Variants in AUH observed in about 807,000 individuals in gnomAD.
AUH encodes AU RNA binding methylglutaconyl-CoA hydratase, also known as methylglutaconyl-CoA hydratase, mitochondrial.
Under a neutral mutation model 42.3 loss-of-function variants are expected in AUH, and 29 were observed. The observed-to-expected ratio is 0.69, with a 90% CI of 0.51 to 0.93. The LOEUF is 0.93. Among genes scored for constraint, AUH ranks in the 40% least tolerant of loss-of-function variants. AUH has a pLI of 0.00. For missense variants in AUH, 452 were observed against 438.1 expected (o/e 1.03, Z -0.28); for synonymous variants, 174 against 166.4 (o/e 1.05, Z -0.35).
chr9:91,357,452 T>C (rs1350157448), intron 1 of AUH: 4 of 945,216 alleles, frequency 4.2e-6, no homozygotes, highest in Non-Finnish European at 5.0e-6. Flanking sequence ...AGACTAGATG[T>C]GTCCATTCAT....
intron 1 of AUH, chr9:91,360,576 A>AC (rs2132116739): frequency 6.6e-6 from 1 of 152,280 alleles, no homozygotes; most frequent in South Asian, 2.1e-4. Flanking sequence ...TTCCTGTTTT[A>AC]CACGTGAGAT....
intron 3 of AUH, among the ~76,000 whole-genome samples, chr9:91,354,618 A>G (rs557867358): frequency 4.7e-4 from 72 of 152,370 alleles, no homozygotes; most frequent in Admixed American, 2.8e-3. Flanking sequence ...ACTATAGTGC[A>G]ATAATTATAA....
chr9:91,257,920 T>C (rs142565517), intron 6 of AUH, among the ~76,000 whole-genome samples: 27 of 152,346 alleles, frequency 1.8e-4, no homozygotes, highest in South Asian at 6.2e-4. Flanking sequence ...TAAGTCTTCT[T>C]TCATTTTTGC....
At chr9:91,337,914 T>A (rs1341235447) in intron 3 of AUH, among the ~76,000 whole-genome samples, 1 of 152,194 alleles carries the variant, frequency 6.6e-6, no homozygotes, top group Non-Finnish European at 1.5e-5. Context: ...TTAAGGAGCA[T>A]GACCTTCTTG....
At chr9:91,345,629 C>G (rs529625499) in intron 3 of AUH, among the ~76,000 whole-genome samples, 1 of 151,748 alleles carries the variant, frequency 6.6e-6, no homozygotes, top group East Asian at 1.9e-4. Flanking sequence ...ATCAGGAGAT[C>G]GAGACCATCC....
chr9:91,267,758 A>G (rs1167323465), intron 6 of AUH, among the ~76,000 whole-genome samples: 1 of 152,130 alleles, frequency 6.6e-6, no homozygotes, highest in Non-Finnish European at 1.5e-5. Context: ...TGAGTACTCC[A>G]GGCAGGCAGG....
At chr9:91,325,493 A>G in intron 3 of AUH, 89 bp from the exon 4 acceptor site, 1 of 1,055,828 alleles carries the variant, frequency 9.5e-7, no homozygotes, top group Non-Finnish European at 1.5e-6. Flanking sequence ...TTAGTATACA[A>G]CTTCAAGATC....
At chr9:91,216,210 C>A (rs569399978) in intron 8 of AUH, 104 bp from the exon 9 acceptor site, 46 of 1,133,808 alleles carry the variant, frequency 4.1e-5, no homozygotes, top group Middle Eastern at 1.9e-4. Flanking sequence ...AGCACCCAAT[C>A]CTTTGATATA....
chr9:91,219,591 T>C (rs910783054), intron 7 of AUH, among the ~76,000 whole-genome samples: 4 of 152,240 alleles, frequency 2.6e-5, no homozygotes, highest in African/African-American at 9.6e-5. Context: ...GAGCATCTAC[T>C]GAATGTATGG....
intron 6 of AUH, among the ~76,000 whole-genome samples, chr9:91,273,692 G>A (rs1564054594): frequency 6.6e-6 from 1 of 152,170 alleles, no homozygotes; most frequent in Non-Finnish European, 1.5e-5. Flanking sequence ...ACATGCATAT[G>A]TGTACATTCA....
At position 91,270,768 on chromosome 9, in the gene AUH, T is replaced by C. The variant is rs2292363; in HGVS notation, c.655+25253A>G. 3.3e-5 allele frequency among the ~76,000 whole-genome samples: 5 copies of C among 152,272 alleles called. No homozygotes were observed. In the East Asian group the frequency reaches 9.7e-4, roughly 29 times the overall value. ...TAGCAATGCACCCACCAAAATACAC[T>C]TGTACACAATCCAAATAAGTTTGCA... On this transcript the variant is annotated intron_variant, in intron 6 of 9. Coordinates refer to ENST00000375731, the MANE Select transcript of AUH (RefSeq NM_001698.3).
At chr9:91,302,027 C>T (rs867833904) in intron 4 of AUH, among the ~76,000 whole-genome samples, 1 of 152,114 alleles carries the variant, frequency 6.6e-6, no homozygotes, top group African/African-American at 2.4e-5. Context: ...AATTCTAAGG[C>T]TATACATCAT....
chr9:91,280,577 C>T (rs1456290327), intron 6 of AUH, among the ~76,000 whole-genome samples: 1 of 152,092 alleles, frequency 6.6e-6, no homozygotes, highest in Non-Finnish European at 1.5e-5. Flanking sequence ...ATAAATAAAG[C>T]TAATTTTAAT....
At chr9:91,338,919 T>C (rs1830897446) in intron 3 of AUH, among the ~76,000 whole-genome samples, 1 of 152,230 alleles carries the variant, frequency 6.6e-6, no homozygotes, top group Non-Finnish European at 1.5e-5. Flanking sequence ...CTGACACTTC[T>C]ATGATTATAT....
intron 6 of AUH, among the ~76,000 whole-genome samples, chr9:91,251,251 T>C (rs887718428): frequency 1.3e-5 from 2 of 152,160 alleles, no homozygotes; most frequent in Admixed American, 1.3e-4. Context: ...TGGAGTGCAA[T>C]GACATGGTTG....
At chr9:91,260,324 T>C (rs1184262263) in intron 6 of AUH, among the ~76,000 whole-genome samples, 1 of 152,228 alleles carries the variant, frequency 6.6e-6, no homozygotes, top group Non-Finnish European at 1.5e-5. Flanking sequence ...AAAATTTACA[T>C]TTAATGTAAC....
intron 6 of AUH, among the ~76,000 whole-genome samples, chr9:91,239,655 A>G (rs1828389257): frequency 6.6e-6 from 1 of 152,228 alleles, no homozygotes; most frequent in Non-Finnish European, 1.5e-5. Context: ...AACCATAAAA[A>G]TATTTATCCT....
At chr9:91,360,866 G>T (rs1048821941) in intron 1 of AUH, among the ~76,000 whole-genome samples, 1 of 152,094 alleles carries the variant, frequency 6.6e-6, no homozygotes, top group Admixed American at 6.5e-5. Context: ...GGAGGTTAAG[G>T]GTGGAAACTG....
chr9:91,336,888 G>C (rs1830735469), intron 3 of AUH, among the ~76,000 whole-genome samples: 1 of 152,084 alleles, frequency 6.6e-6, no homozygotes, highest in Non-Finnish European at 1.5e-5. Context: ...CATATTCTTT[G>C]CTCCCTAATT....
Sources: allele counts gnomAD v4.1 joint callset (sites outside exome capture counted in the v4.1 genomes callset), GRCh38; gene constraint gnomAD v4.1.1; transcripts MANE v1.5; gene names NCBI Gene and HGNC (gene_info 2026-07-23, HGNC 2026-07-21).